Variants in NTN1 observed in about 807,000 individuals in gnomAD.
The protein encoded by NTN1 is netrin-1.
A neutral mutation model predicts 54.2 loss-of-function variants in NTN1; 11 were observed. That is an observed-to-expected ratio of 0.20 (90% confidence interval 0.13 to 0.34). NTN1 has a LOEUF of 0.34. Among genes scored for constraint, NTN1 ranks in the 10% least tolerant of loss-of-function variants. The probability of loss-of-function intolerance (pLI) is 1.00; values close to 1 mark genes in which losing one functional copy is unlikely to be tolerated. For missense variants in NTN1, 740 were observed against 893.1 expected, an observed-to-expected ratio of 0.83 and a Z score of 2.18; for synonymous variants, 371 against 382.0, an observed-to-expected ratio of 0.97 and a Z score of 0.33.
At chr17:9,155,574 C>A (rs999941865) in intron 2 of NTN1, among the ~76,000 whole-genome samples, 1 of 152,122 alleles carries the variant, frequency 6.6e-6, no homozygotes, top group Non-Finnish European at 1.5e-5. Context: ...CTCCTGACTT[C>A]AGGTGATCCG....
At chr17:9,069,280 C>G (rs2092025458) in intron 2 of NTN1, among the ~76,000 whole-genome samples, 1 of 151,260 alleles carries the variant, frequency 6.6e-6, no homozygotes, top group Non-Finnish European at 1.5e-5. Context: ...AAGGTCTATT[C>G]AACTAGTTTA....
At chr17:9,025,733 C>T (rs1206928579) in intron 2 of NTN1, among the ~76,000 whole-genome samples, 2 of 152,138 alleles carry the variant, frequency 1.3e-5, no homozygotes, top group Middle Eastern at 3.2e-3. Flanking sequence ...AGAAAGACAG[C>T]AAGGACAATT....
At chr17:9,230,553 G>T (rs1905773244) in intron 6 of NTN1, among the ~76,000 whole-genome samples, 1 of 152,132 alleles carries the variant, frequency 6.6e-6, no homozygotes, top group Non-Finnish European at 1.5e-5. Flanking sequence ...GTTGGCCAGG[G>T]AAGGCCAGTC....
At chr17:9,044,913 A>C (rs2091936676) in intron 2 of NTN1, among the ~76,000 whole-genome samples, 2 of 152,222 alleles carry the variant, frequency 1.3e-5, no homozygotes, top group Non-Finnish European at 2.9e-5. Context: ...AATTCAGAGC[A>C]GAGTACATTA....
At chr17:9,087,823 A>G (rs1436544282) in intron 2 of NTN1, among the ~76,000 whole-genome samples, 1 of 152,232 alleles carries the variant, frequency 6.6e-6, no homozygotes, top group African/African-American at 2.4e-5. Context: ...TGTGCTTTCT[A>G]AACAGTTGAC....
At position 9,219,307 on chromosome 17, in the gene NTN1, A is replaced by C. The variant is rs1905279832; in HGVS notation, c.1412-1861A>C. On this transcript the variant is annotated intron_variant, in intron 5 of 6. Transcript: ENST00000173229. The surrounding 1 kb of genome is among the most constrained non-coding windows in gnomAD (Gnocchi z 4.5). ...GACAGCCCAGTCCCTGCACCCCAAG[A>C]AATCCCTACTCTAGTAACCAAGCTG... 6.6e-6 allele frequency among the ~76,000 whole-genome samples: 1 copy of C among 152,130 alleles called. No homozygotes were observed. The highest frequency in any genetic ancestry group is 2.4e-5 in the African/African-American group (1 of 41,412).
chr17:9,154,364 C>T (rs915799164), intron 2 of NTN1, among the ~76,000 whole-genome samples: 3 of 152,174 alleles, frequency 2.0e-5, no homozygotes, highest in South Asian at 2.1e-4. Context: ...AAATTCATGC[C>T]CTACCAGATT....
chr17:9,187,675 A>C (rs918398883), intron 5 of NTN1, among the ~76,000 whole-genome samples: 3 of 151,240 alleles, frequency 2.0e-5, no homozygotes, highest in East Asian at 1.9e-4. Context: ...AAAAAAAAAA[A>C]AAAACATTAG....
intron 2 of NTN1, among the ~76,000 whole-genome samples, chr17:9,129,119 G>A (rs1416984240): frequency 6.6e-6 from 1 of 152,182 alleles, no homozygotes; most frequent in African/African-American, 2.4e-5. Context: ...GAGAGGGCGA[G>A]ATTAACACCC....
chr17:9,227,876 TCACACACACACCCCAC>T (rs1905652127), intron 6 of NTN1, among the ~76,000 whole-genome samples: 1 of 150,220 alleles, frequency 6.7e-6, no homozygotes, highest in African/African-American at 2.5e-5. Context: ...ACACACCCCA[TCACACACACACCCCAC>T]CACTATACGC....
intron 2 of NTN1, among the ~76,000 whole-genome samples, chr17:9,029,809 T>G (rs547746005): frequency 1.3e-5 from 2 of 152,118 alleles, no homozygotes; most frequent in South Asian, 4.2e-4. Flanking sequence ...CTGGCCAACA[T>G]GGTGAAACCC....
intron 2 of NTN1, among the ~76,000 whole-genome samples, chr17:9,071,985 G>A (rs1419541599): frequency 6.6e-6 from 1 of 152,216 alleles, no homozygotes. Flanking sequence ...CTGGGGAGGG[G>A]TGAGAGATGC....
intron 2 of NTN1, among the ~76,000 whole-genome samples, chr17:9,065,891 C>A (rs2092013546): frequency 6.6e-6 from 1 of 152,142 alleles, no homozygotes; most frequent in Admixed American, 6.5e-5. Context: ...ATGAACAAAA[C>A]CCTCATTTAT....
the NTN1 span, among the ~76,000 whole-genome samples, chr17:9,011,975 T>C: frequency 2.6e-5 from 4 of 152,164 alleles, no homozygotes; most frequent in East Asian, 3.9e-4. Context: ...TAATTTGTAG[T>C]GCACTCCTAT....
rs115236193 is a variant in NTN1, at chr17:9,166,793, G to A, written c.1207+3792G>A. Among the ~76,000 whole-genome samples the A allele has an allele frequency of 1.8e-3, 267 of 152,262 alleles. 1 individual carries two copies. The highest frequency in any genetic ancestry group is 5.9e-3 in the African/African-American group (244 of 41,562). Reference sequence around the variant, plus strand: ...TTGACTCCCAAATTGGCTTGGGAACGGCCTCTGGGGCCTCTTTACCCCAGA... The same window carrying A: ...TTGACTCCCAAATTGGCTTGGGAACAGCCTCTGGGGCCTCTTTACCCCAGA... On this transcript the variant is annotated intron_variant, in intron 3 of 6. Transcript: ENST00000173229.
At chr17:9,139,957 C>T (rs2092292771) in intron 2 of NTN1, among the ~76,000 whole-genome samples, 1 of 152,124 alleles carries the variant, frequency 6.6e-6, no homozygotes, top group Non-Finnish European at 1.5e-5. Flanking sequence ...ATCATCCATT[C>T]ATTCATCCAT....
intron 2 of NTN1, among the ~76,000 whole-genome samples, chr17:9,108,942 T>C (rs1392810946): frequency 6.6e-6 from 1 of 151,886 alleles, no homozygotes; most frequent in Admixed American, 6.6e-5. Context: ...AGTGGTGTGA[T>C]CTCGGCTCAC....
intron 5 of NTN1, among the ~76,000 whole-genome samples, chr17:9,218,479 G>A (rs1905260276): frequency 6.6e-6 from 1 of 152,222 alleles, no homozygotes; most frequent in Admixed American, 6.5e-5. Context: ...TGAGTGCAAT[G>A]TAATTAGGCA....
chr17:9,225,711 A>AGG (rs568460822), intron 6 of NTN1, among the ~76,000 whole-genome samples: 1 of 151,358 alleles, frequency 6.6e-6, no homozygotes, highest in African/African-American at 2.4e-5. Context: ...AGGCCGCCAA[A>AGG]CCGGGCGGGC....
Sources: allele counts gnomAD v4.1 joint callset (sites outside exome capture counted in the v4.1 genomes callset), GRCh38; gene constraint gnomAD v4.1.1; non-coding constraint Gnocchi (gnomAD v3.1); transcripts MANE v1.5; gene names NCBI Gene and HGNC (gene_info 2026-07-23, HGNC 2026-07-21).